The following CSMD1 variants were observed in gnomAD, a reference collection of about 807,000 sequenced individuals.
The protein encoded by CSMD1 is CUB and Sushi multiple domains 1, also known as CUB and sushi domain-containing protein 1.
A neutral mutation model predicts 417.5 loss-of-function variants in CSMD1; 213 were observed. The observed-to-expected ratio is 0.51, with a 90% CI of 0.46 to 0.57. The LOEUF (loss-of-function observed/expected upper bound fraction) is 0.57, where lower values mean the gene tolerates loss of function less well. Among genes scored for constraint, CSMD1 ranks in the 20% least tolerant of loss-of-function variants. The pLI, the probability that CSMD1 is intolerant of heterozygous loss-of-function variation, is 0.00. For missense variants in CSMD1, 6,923 were observed against 4,529.7 expected, an observed-to-expected ratio of 1.53 and a Z score of -15.17; for synonymous variants, 2,862 against 1,736.8, an observed-to-expected ratio of 1.65 and a Z score of -16.11.
Position 4,171,211 on chromosome 8 carries a change from C to T in CSMD1, c.416-139112G>A, listed in dbSNP as rs1489812647. Among the ~76,000 whole-genome samples, 5 of 151,852 alleles carry T rather than the reference C, an allele frequency of 3.3e-5. No individual in the cohort carries two copies. The East Asian group carries it at 9.7e-4, about 29-fold the overall frequency. ...TCACCATCACAGACCTGTGTGAAAC[C>T]TACCCGCAAAGGTCCAGCTCAACCG... On this transcript the variant is annotated intron_variant, in intron 3 of 69. Coordinates refer to ENST00000635120, the MANE Select transcript of CSMD1 (RefSeq NM_033225.6).
intron 5 of CSMD1, among the ~76,000 whole-genome samples, chr8:3,968,060 G>T (rs959798591): frequency 3.3e-5 from 5 of 149,614 alleles, no homozygotes; most frequent in Non-Finnish European, 7.4e-5. Context: ...GGTGGCGGGC[G>T]CCTGTAGTCC....
At chr8:3,783,499 G>A (rs1799292606) in intron 5 of CSMD1, among the ~76,000 whole-genome samples, 1 of 152,186 alleles carries the variant, frequency 6.6e-6, no homozygotes, top group African/African-American at 2.4e-5. Flanking sequence ...GTGCTGAGGA[G>A]GGGAAAGGAC....
intron 26 of CSMD1, among the ~76,000 whole-genome samples, chr8:3,236,584 C>A (rs1585743427): frequency 6.6e-6 from 1 of 152,294 alleles, no homozygotes; most frequent in African/African-American, 2.4e-5. Context: ...TAGACTAATA[C>A]AAACCCCCAC....
intron 8 of CSMD1, among the ~76,000 whole-genome samples, chr8:3,611,081 G>C (rs1489422653): frequency 1.8e-5 from 2 of 108,274 alleles, no homozygotes; most frequent in African/African-American, 3.7e-5. Context: ...GCGAACTGTT[G>C]TGGGGTGGGG....
chr8:3,461,571 G>T (rs1367792591), intron 12 of CSMD1, among the ~76,000 whole-genome samples: 1 of 152,178 alleles, frequency 6.6e-6, no homozygotes, highest in African/African-American at 2.4e-5. Context: ...CTTCTCAGAG[G>T]GGAGCTGTCT....
chr8:4,276,500 G>C (rs1796496133), intron 3 of CSMD1, among the ~76,000 whole-genome samples: 1 of 152,132 alleles, frequency 6.6e-6, no homozygotes, highest in Non-Finnish European at 1.5e-5. Flanking sequence ...CAGATGACGG[G>C]TTAGTGGGTG....
chr8:4,765,121 G>C (rs62484604), intron 1 of CSMD1, among the ~76,000 whole-genome samples: 30,862 of 151,968 alleles, frequency 0.2, 3,332 homozygotes, highest in East Asian at 0.31. Context: ...CAAATCTTGG[G>C]TCTCCCTCTG....
intron 3 of CSMD1, among the ~76,000 whole-genome samples, chr8:4,250,181 T>C (rs1359416784): frequency 2.6e-5 from 4 of 152,182 alleles, no homozygotes; most frequent in African/African-American, 9.7e-5. Context: ...CCAATACATT[T>C]CTTTTCTTTA....
chr8:4,763,093 G>C (rs1350921266), intron 1 of CSMD1, among the ~76,000 whole-genome samples: 2 of 152,126 alleles, frequency 1.3e-5, no homozygotes, highest in East Asian at 1.9e-4. Context: ...TGAATGGACA[G>C]AAAAGATACC....
intron 2 of CSMD1, among the ~76,000 whole-genome samples, chr8:4,615,089 C>T (rs948740668): frequency 6.6e-6 from 1 of 152,164 alleles, no homozygotes; most frequent in African/African-American, 2.4e-5. Flanking sequence ...CTGATATAAT[C>T]TATTAGTACC....
chr8:4,720,224 T>G (rs17071123), intron 1 of CSMD1, among the ~76,000 whole-genome samples: 12,300 of 151,624 alleles, frequency 0.081, 744 homozygotes, highest in African/African-American at 0.17. Flanking sequence ...TGTTTCTTAG[T>G]AATAATATAT....
intron 3 of CSMD1, among the ~76,000 whole-genome samples, chr8:4,201,445 G>T (rs889457750): frequency 2.0e-5 from 3 of 150,746 alleles, no homozygotes; most frequent in African/African-American, 7.3e-5. Context: ...GGCTGAGGCA[G>T]GAGAATGGCA....
intron 1 of CSMD1, among the ~76,000 whole-genome samples, chr8:4,721,627 C>T (rs1461593915): frequency 5.9e-5 from 9 of 152,042 alleles, no homozygotes. Context: ...ATTGGTATAG[C>T]CAATAATGGA....
At chr8:4,876,509 T>TA (rs1803051565) in intron 1 of CSMD1, among the ~76,000 whole-genome samples, 3 of 152,148 alleles carry the variant, frequency 2.0e-5, no homozygotes, top group African/African-American at 7.2e-5. Flanking sequence ...TTAACAAGAC[T>TA]ATGTGTAAAC....
chr8:3,189,233 A>T (rs1796272688), intron 34 of CSMD1, among the ~76,000 whole-genome samples: 1 of 152,266 alleles, frequency 6.6e-6, no homozygotes, highest in African/African-American at 2.4e-5. Context: ...TCTTGAGTCT[A>T]TAAATAAATC....
intron 1 of CSMD1, among the ~76,000 whole-genome samples, chr8:4,907,724 A>ATT (rs33995355): frequency 0.03 from 4,420 of 147,020 alleles, 173 homozygotes; most frequent in African/African-American, 0.093. Context: ...ATCCCCGGCA[A>ATT]TTTTTTTTTT....
chr8:4,550,207 T>C (rs1797809768), intron 2 of CSMD1, among the ~76,000 whole-genome samples: 1 of 151,956 alleles, frequency 6.6e-6, no homozygotes, highest in African/African-American at 2.4e-5. Flanking sequence ...ACTTTCCCTG[T>C]ACCTCTTGAA....
intron 23 of CSMD1, among the ~76,000 whole-genome samples, chr8:3,312,088 C>G (rs1351935081): frequency 6.6e-6 from 1 of 152,090 alleles, no homozygotes; most frequent in African/African-American, 2.4e-5. Flanking sequence ...ATGTTTCTTT[C>G]CACTCTTCTC....
At chr8:3,659,914 G>A (rs563013917) in intron 7 of CSMD1, among the ~76,000 whole-genome samples, 1 of 152,194 alleles carries the variant, frequency 6.6e-6, no homozygotes, top group African/African-American at 2.4e-5. Flanking sequence ...TTCCAAGAAA[G>A]AGCATATCTT....
Sources: allele counts gnomAD v4.1 joint callset (sites outside exome capture counted in the v4.1 genomes callset), GRCh38; gene constraint gnomAD v4.1.1; transcripts MANE v1.5; gene names NCBI Gene and HGNC (gene_info 2026-07-23, HGNC 2026-07-21).